The following BIVM variants were observed in gnomAD, a reference collection of about 807,000 sequenced individuals.
The protein encoded by BIVM is basic, immunoglobulin-like variable motif containing, also known as basic immunoglobulin-like variable motif-containing protein.
A neutral mutation model predicts 61.4 loss-of-function variants in BIVM; 31 were observed. The observed-to-expected ratio is 0.51, with a 90% CI of 0.38 to 0.68. The LOEUF is 0.68. Among genes scored for constraint, BIVM ranks in the 30% least tolerant of loss-of-function variants. The probability of loss-of-function intolerance (pLI) is 0.00; values close to 1 mark genes in which losing one functional copy is unlikely to be tolerated. For missense variants in BIVM, 526 were observed against 596.0 expected, an observed-to-expected ratio of 0.88 and a Z score of 1.22; for synonymous variants, 189 against 210.7, an observed-to-expected ratio of 0.90 and a Z score of 0.89.
intron 7 of BIVM, among the ~76,000 whole-genome samples, chr13:102,827,479 G>C (rs751794715): frequency 6.6e-6 from 1 of 150,850 alleles, no homozygotes; most frequent in African/African-American, 2.4e-5. Flanking sequence ...CAGAATATTC[G>C]ACTTTTTACT....
At chr13:102,818,419 T>C (rs1345660074) in intron 4 of BIVM, among the ~76,000 whole-genome samples, 6 of 152,228 alleles carry the variant, frequency 3.9e-5, no homozygotes, top group Non-Finnish European at 7.3e-5. Flanking sequence ...AAAGGAACTT[T>C]TATCAAGATA....
chr13:102,839,030 G>T (rs903398900), intron 10 of BIVM, among the ~76,000 whole-genome samples: 2 of 152,092 alleles, frequency 1.3e-5, no homozygotes, highest in Admixed American at 1.3e-4. Context: ...CCTTTTGTCT[G>T]ATTACTTTCT....
In BIVM at chr13:102,840,477, G is replaced by A. The variant is rs1881743118; in HGVS notation, c.*612G>A. 6.6e-6 allele frequency: 1 copy of A among 152,380 alleles called. No homozygotes were observed. The highest frequency in any genetic ancestry group is 1.5e-5 in the Non-Finnish European group (1 of 68,216). The allele number at this position is 152,380 out of a possible 1,614,324, so 9.4% of individuals were successfully genotyped here. A position where few individuals can be genotyped will look rare whatever the true frequency, so the allele number is the denominator to read the frequency against. On this transcript the variant is annotated 3_prime_UTR_variant, in exon 11 of 11. Transcript: ENST00000257336. ...AAAGACTCAAGAAACTGATCCTGGA[G>A]ATCGAGACCATCCTGGCTAACATGG...
chr13:102,838,835 A>G (rs1279218913), intron 10 of BIVM, 96 bp downstream of exon 10: 14 of 1,117,566 alleles, frequency 1.3e-5, no homozygotes, highest in South Asian at 9.1e-5. Flanking sequence ...ACAGAAACCT[A>G]TATTTGATAG....
intron 4 of BIVM, among the ~76,000 whole-genome samples, chr13:102,819,568 C>T (rs528648567): frequency 1.3e-5 from 2 of 151,978 alleles, no homozygotes; most frequent in African/African-American, 2.4e-5. Context: ...AACACATGGA[C>T]GTAGGGAGGG....
rs1427907849 is a variant in BIVM, at chr13:102,807,523, C to A, written c.256C>A (p.Pro86Thr). The A allele has an allele frequency of 1.9e-6, 3 of 1,614,044 alleles. No individual in the cohort carries two copies. Among genetic ancestry groups the A allele is most frequent in the African/African-American group, 2.7e-5 (2 of 74,918 alleles). Residue 86 changes from proline (P) to threonine (T), a missense_variant, in exon 3 of 11, where the codon CCA becomes ACA. Coordinates refer to ENST00000257336, the MANE Select transcript of BIVM (RefSeq NM_017693.4). This position sits in a 1 kb window ranked among gnomAD's most constrained non-coding sequence, Gnocchi z 4.0. Reference sequence around the variant, plus strand: ...CCAGGCGACCTCAATCTATAAAACTCCAAATCCATCCCGCTCTCCTTGCCT... The same window carrying A: ...CCAGGCGACCTCAATCTATAAAACTACAAATCCATCCCGCTCTCCTTGCCT... ...LNQATSIYKT[P>T]NPSRSPCLPD...
chr13:102,838,964 C>A (rs549253688), intron 10 of BIVM, among the ~76,000 whole-genome samples: 2 of 152,166 alleles, frequency 1.3e-5, no homozygotes, highest in Non-Finnish European at 2.9e-5. Flanking sequence ...CAGCAAGGGC[C>A]AAGTAGCTGG....
chr13:102,817,447 A>G (rs966054751), intron 4 of BIVM, among the ~76,000 whole-genome samples: 1 of 152,218 alleles, frequency 6.6e-6, no homozygotes, highest in Non-Finnish European at 1.5e-5. Context: ...ATCCAGTATT[A>G]GCAATTCTAA....
At chr13:102,829,269 A>AT (rs1880890958) in intron 7 of BIVM, among the ~76,000 whole-genome samples, 4 of 152,148 alleles carry the variant, frequency 2.6e-5, no homozygotes, top group African/African-American at 9.7e-5. Flanking sequence ...CATAATCTCA[A>AT]AGGGACCAGA....
At position 102,816,831 on chromosome 13, in the gene BIVM, GTAGT is replaced by G. The variant is rs1879899611; in HGVS notation, c.605+280_605+283del. 3.8e-5 allele frequency: 7 copies of G among 182,672 alleles called. No homozygotes were observed. The South Asian group carries it at 1.2e-3, about 30-fold the overall frequency. 11.3% of individuals were successfully genotyped at this position (182,672 alleles called of 1,614,324 possible). A position where few individuals can be genotyped will look rare whatever the true frequency, so the allele number is the denominator to read the frequency against. On this transcript the variant is annotated intron_variant, in intron 4 of 10. Coordinates refer to ENST00000257336, the MANE Select transcript of BIVM (RefSeq NM_017693.4). Reference sequence around the variant, plus strand: ...ATTTAACAATGATTAACCTTTTGATGTAGTTAAATACTTAGCTTTTCATTGCTGA... The same window carrying G: ...ATTTAACAATGATTAACCTTTTGATGTAAATACTTAGCTTTTCATTGCTGA...
intron 9 of BIVM, among the ~76,000 whole-genome samples, chr13:102,836,012 G>A (rs573943199): frequency 1.3e-5 from 2 of 152,226 alleles, no homozygotes; most frequent in East Asian, 1.9e-4. Context: ...CACTTTTGTT[G>A]TACAAGTCTT....
At chr13:102,837,395 A>T (rs1027717538) in intron 9 of BIVM, among the ~76,000 whole-genome samples, 8 of 152,192 alleles carry the variant, frequency 5.3e-5, no homozygotes, top group Admixed American at 5.2e-4. Context: ...TTTTTTCAGT[A>T]TGGAGTTTTA....
intron 3 of BIVM, among the ~76,000 whole-genome samples, chr13:102,812,841 GC>G (rs1020523235): frequency 6.6e-5 from 10 of 152,128 alleles, no homozygotes; most frequent in African/African-American, 2.4e-4. Flanking sequence ...AACAATGGCT[GC>G]CCCCCTGTAT....
At chr13:102,835,460 A>G (rs1353432376) in intron 9 of BIVM, among the ~76,000 whole-genome samples, 3 of 152,064 alleles carry the variant, frequency 2.0e-5, no homozygotes, top group African/African-American at 7.3e-5. Context: ...CTTGGCAGTC[A>G]CTCCGTATTC....
intron 9 of BIVM, among the ~76,000 whole-genome samples, chr13:102,837,181 G>C (rs908108229): frequency 5.3e-5 from 8 of 152,104 alleles, no homozygotes; most frequent in Non-Finnish European, 1.0e-4. Context: ...GGGAGGCTGA[G>C]GGGGGAGGAT....
chr13:102,815,488 C>T (rs1051905396), intron 3 of BIVM, among the ~76,000 whole-genome samples: 3 of 151,964 alleles, frequency 2.0e-5, no homozygotes, highest in Non-Finnish European at 2.9e-5. Flanking sequence ...ACTTCACTAA[C>T]GATTTAGAAA....
chr13:102,811,408 C>T (rs1217601273), intron 3 of BIVM, among the ~76,000 whole-genome samples: 1 of 152,198 alleles, frequency 6.6e-6, no homozygotes, highest in African/African-American at 2.4e-5. Flanking sequence ...AGCCCACTTC[C>T]TTCTGGCTTC....
At chr13:102,806,528 T>C (rs923171831) in intron 2 of BIVM, among the ~76,000 whole-genome samples, 1 of 152,180 alleles carries the variant, frequency 6.6e-6, no homozygotes, top group Non-Finnish European at 1.5e-5. Flanking sequence ...GGATTACAGG[T>C]GTGAGTGACT....
chr13:102,821,609 A>C (rs1880291506), intron 5 of BIVM, 134 bp from the exon 6 acceptor site: 1 of 756,934 alleles, frequency 1.3e-6, no homozygotes. Flanking sequence ...CTCTAAAAAA[A>C]TAAATAAAAT....
Sources: gnomAD v4.1 joint callset for allele counts (sites outside exome capture counted in the v4.1 genomes callset) on GRCh38, gnomAD v4.1.1 for gene constraint, Gnocchi (gnomAD v3.1) non-coding constraint, MANE v1.5 for transcripts, NCBI Gene and HGNC (gene_info 2026-07-23, HGNC 2026-07-21) for gene names.